Variants in CELA2B observed in about 807,000 individuals in gnomAD.
The protein encoded by CELA2B is chymotrypsin like elastase 2B.
A neutral mutation model predicts 36.5 loss-of-function variants in CELA2B; 27 were observed. The ratio of observed to expected loss-of-function variants is 0.74; its 90% CI spans 0.55 to 1.02. CELA2B has a LOEUF of 1.02. Among genes scored for constraint, CELA2B ranks in the 50% least tolerant of loss-of-function variants. CELA2B has a pLI of 0.00. For synonymous variants in CELA2B, 143 were observed against 148.5 expected (o/e 0.96, Z 0.27); for missense variants, 340 against 347.8 (o/e 0.98, Z 0.18).
At chr1:15,480,929 A>G (rs1483904929) in intron 2 of CELA2B, among the ~76,000 whole-genome samples, 169 bp from the exon 3 acceptor site, 1 of 151,760 alleles carries the variant, frequency 6.6e-6, no homozygotes, top group Non-Finnish European at 1.5e-5. Context: ...GATTGCATTA[A>G]AATGTTTTTT....
At chr1:15,481,971 C>T (rs1010585949) in intron 3 of CELA2B, among the ~76,000 whole-genome samples, 1 of 151,802 alleles carries the variant, frequency 6.6e-6, no homozygotes, top group African/African-American at 2.4e-5. Context: ...GCAAATGACT[C>T]CTGTTTTCTC....
intron 2 of CELA2B, among the ~76,000 whole-genome samples, chr1:15,478,728 CA>C (rs1162024436): frequency 6.6e-6 from 1 of 151,234 alleles, no homozygotes; most frequent in Non-Finnish European, 1.5e-5. Context: ...ACCACACCAG[CA>C]AATTTTTTTT....
intron 2 of CELA2B, among the ~76,000 whole-genome samples, chr1:15,478,207 T>A (rs910283123): frequency 5.8e-5 from 6 of 104,162 alleles, no homozygotes; most frequent in African/African-American, 2.5e-4. Flanking sequence ...GAGGCATATA[T>A]ATATATATAT....
intron 7 of CELA2B, chr1:15,491,067 C>G (rs1179680351): frequency 1.8e-6 from 1 of 562,024 alleles, no homozygotes; most frequent in Admixed American, 3.0e-5. Context: ...CACAGGACTC[C>G]TGGCTAAGAC....
In CELA2B at chr1:15,483,273, T is replaced by C; in HGVS notation, c.366T>C (p.Ile122=). ...CTCCGCACTCACCCAGGAACGACAT[T>C]GCCCTGCTCAAACTGGCTAACCCCG... ...NSDQVSKGND[I]ALLKLANPVS... The change falls in exon 5 of 8, where the codon ATT becomes ATC. Residue 122 remains isoleucine, a synonymous_variant. Transcript: ENST00000375910. The C allele has an allele frequency of 6.2e-7, 1 of 1,613,738 alleles. No homozygotes were observed. Among genetic ancestry groups the C allele is most frequent in the Non-Finnish European group, 8.5e-7 (1 of 1,179,868 alleles).
intron 7 of CELA2B, among the ~76,000 whole-genome samples, chr1:15,489,934 C>A (rs1708854727): frequency 6.6e-6 from 1 of 152,046 alleles, no homozygotes; most frequent in Non-Finnish European, 1.5e-5. Context: ...AGTACAGTGG[C>A]TTGATCTCAG....
intron 4 of CELA2B, among the ~76,000 whole-genome samples, chr1:15,482,726 GA>G (rs1208237608): frequency 6.6e-6 from 1 of 152,100 alleles, no homozygotes; most frequent in African/African-American, 2.4e-5. Flanking sequence ...CCTGGAGTAG[GA>G]CACAATCTCT....
At chr1:15,480,576 A>G (rs540273685) in intron 2 of CELA2B, among the ~76,000 whole-genome samples, 15 of 152,162 alleles carry the variant, frequency 9.9e-5, no homozygotes, top group Non-Finnish European at 1.8e-4. Context: ...CGGTGGCAGC[A>G]GGGAGAAGTG....
At chr1:15,486,700 C>G (rs554556496) in intron 6 of CELA2B, among the ~76,000 whole-genome samples, 9 of 152,302 alleles carry the variant, frequency 5.9e-5, no homozygotes, top group Non-Finnish European at 1.2e-4. Context: ...TGTTGAATTA[C>G]TCTCATCAAT....
At chr1:15,489,825 C>T (rs1184580501) in intron 7 of CELA2B, among the ~76,000 whole-genome samples, 1 of 151,948 alleles carries the variant, frequency 6.6e-6, no homozygotes, top group African/African-American at 2.4e-5. Flanking sequence ...AAGTAGAAGT[C>T]CCCCCTCATT....
At chr1:15,487,233 T>C (rs1343235710) in intron 6 of CELA2B, 52 bp from the exon 7 acceptor site, 1 of 1,529,896 alleles carries the variant, frequency 6.5e-7, no homozygotes, top group East Asian at 2.2e-5. Flanking sequence ...ATGGTTCCAA[T>C]GGGCAGCCCC....
chr1:15,482,109 G>A (rs1708748451), intron 3 of CELA2B, among the ~76,000 whole-genome samples, 156 bp from the exon 4 acceptor site: 1 of 151,992 alleles, frequency 6.6e-6, no homozygotes, highest in African/African-American at 2.4e-5. Flanking sequence ...ATATACTTTA[G>A]GCCCTATGAT....
intron 2 of CELA2B, among the ~76,000 whole-genome samples, chr1:15,478,505 A>C (rs2103311146): frequency 6.6e-6 from 1 of 151,462 alleles, no homozygotes; most frequent in Admixed American, 6.6e-5. Context: ...GGCCTCCCAA[A>C]GTGCTGGGAT....
chr1:15,490,323 G>A (rs1708866203), intron 7 of CELA2B, among the ~76,000 whole-genome samples: 1 of 152,130 alleles, frequency 6.6e-6, no homozygotes, highest in East Asian at 1.9e-4. Context: ...TCTTCATACT[G>A]TTCTGCAGCT....
At chr1:15,487,011 C>G (rs1708812201) in intron 6 of CELA2B, among the ~76,000 whole-genome samples, 1 of 152,226 alleles carries the variant, frequency 6.6e-6, no homozygotes, top group Non-Finnish European at 1.5e-5. Context: ...CCAGTTTCTC[C>G]TCTTCCGTGG....
intron 7 of CELA2B, among the ~76,000 whole-genome samples, chr1:15,490,521 A>G (rs189911806): frequency 2.0e-5 from 3 of 152,350 alleles, no homozygotes; most frequent in Admixed American, 1.3e-4. Context: ...TTTGTGCTGT[A>G]GCAGCTGGAT....
intron 7 of CELA2B, among the ~76,000 whole-genome samples, chr1:15,490,288 T>C (rs1480821662): frequency 2.0e-5 from 3 of 152,074 alleles, no homozygotes; most frequent in Non-Finnish European, 4.4e-5. Context: ...AGACACTGTC[T>C]TCTAAGCAAA....
chr1:15,489,733 C>T (rs555877660), intron 7 of CELA2B, among the ~76,000 whole-genome samples: 1 of 152,288 alleles, frequency 6.6e-6, no homozygotes, highest in Non-Finnish European at 1.5e-5. Context: ...TCCAGCAATC[C>T]TTAGTTTTTA....
At chr1:15,483,622 C>G (rs1163164755) in intron 5 of CELA2B, among the ~76,000 whole-genome samples, 1 of 152,204 alleles carries the variant, frequency 6.6e-6, no homozygotes, top group Non-Finnish European at 1.5e-5. Context: ...CTGCACTTTT[C>G]TCATATGTAA....
Sources: gnomAD v4.1 joint callset for allele counts (sites outside exome capture counted in the v4.1 genomes callset) on GRCh38, gnomAD v4.1.1 for gene constraint, MANE v1.5 for transcripts, NCBI Gene and HGNC (gene_info 2026-07-23, HGNC 2026-07-21) for gene names.